NRXN3: variants seen among roughly 807,000 people sequenced by gnomAD.
The protein encoded by NRXN3 is neurexin III.
NRXN3 carries 32 observed loss-of-function variants against 137.6 expected under a neutral mutation model. The observed-to-expected ratio is 0.23, with a 90% CI of 0.18 to 0.31. The LOEUF is 0.31. NRXN3 is among the 10% of genes least tolerant of loss of function. NRXN3 has a pLI of 1.00. For synonymous variants in NRXN3, 798 were observed against 784.5 expected (o/e 1.02, Z -0.29); for missense variants, 1,574 against 2,062.5 (o/e 0.76, Z 4.59).
chr14:78,331,617 G>T (rs1271832275), intron 4 of NRXN3, among the ~76,000 whole-genome samples: 2 of 152,170 alleles, frequency 1.3e-5, no homozygotes, highest in African/African-American at 4.8e-5. Flanking sequence ...CCAGAAAATT[G>T]TGATTGAAGG....
intron 4 of NRXN3, among the ~76,000 whole-genome samples, chr14:78,300,959 T>A (rs7140340): frequency 2.6e-5 from 4 of 151,838 alleles, no homozygotes; most frequent in Non-Finnish European, 4.4e-5. Context: ...ACTCTTTCTA[T>A]CAGGAACGGG....
intron 16 of NRXN3, among the ~76,000 whole-genome samples, chr14:79,584,638 G>C (rs1000619453): frequency 1.6e-4 from 25 of 152,190 alleles, no homozygotes; most frequent in Non-Finnish European, 4.4e-5. Context: ...TCGGAGAATA[G>C]ATTATTTCTC....
chr14:78,314,881 CTTTCTTTCTTTCT>C lies in NRXN3; in HGVS notation c.757+17022_757+17034del, dbSNP rs1166834254. Among the ~76,000 whole-genome samples, 917 of 98,408 alleles carry C rather than the reference CTTTCTTTCTTTCT, an allele frequency of 9.3e-3. 7 individuals are homozygous for C. Among genetic ancestry groups the C allele is most frequent in the Non-Finnish European group, 9.9e-3 (481 of 48,792 alleles). 64.6% of individuals were successfully genotyped at this position (98,408 alleles called of 152,430 possible). A position where few individuals can be genotyped will look rare whatever the true frequency, so the allele number is the denominator to read the frequency against. ...ATTTTGTGTATTTTTCTTTTCCGTTCTTTCTTTCTTTCTCTTTCTTTCTTTCTTTCTTTCTTTC... is the reference window on the plus strand; with the variant it reads ...ATTTTGTGTATTTTTCTTTTCCGTTCCTTTCTTTCTTTCTTTCTTTCTTTC... On this transcript the variant is annotated intron_variant, in intron 4 of 20. Coordinates refer to ENST00000335750, the MANE Select transcript of NRXN3 (RefSeq NM_001330195.2).
At chr14:78,778,690 C>CTTTCTT (rs1429148316) in intron 8 of NRXN3, among the ~76,000 whole-genome samples, 1 of 133,590 alleles carries the variant, frequency 7.5e-6, no homozygotes. Context: ...TTCTTTCTTT[C>CTTTCTT]TTTCTTTCTT....
intron 10 of NRXN3, among the ~76,000 whole-genome samples, chr14:78,827,868 C>G (rs2098971433): frequency 6.6e-6 from 1 of 152,214 alleles, no homozygotes; most frequent in African/African-American, 2.4e-5. Context: ...ACAGCGTTTT[C>G]TTGTACTTAC....
chr14:78,340,861 C>T lies in NRXN3; in HGVS notation c.757+43001C>T, dbSNP rs1375076362. ...GGGTGGTGTGATTGGCAGCCACATT[C>T]GAAGGCAAACTGTTATAGGAAGTAA... On this transcript the variant is annotated intron_variant, in intron 4 of 20. Transcript: ENST00000335750. 5.3e-5 allele frequency among the ~76,000 whole-genome samples: 8 copies of T among 152,038 alleles called. 1 individual carries two copies. The highest frequency in any genetic ancestry group is 1.2e-4 in the African/African-American group (5 of 41,384).
intron 8 of NRXN3, among the ~76,000 whole-genome samples, chr14:78,772,801 A>G (rs1479562955): frequency 1.3e-5 from 2 of 152,210 alleles, no homozygotes; most frequent in African/African-American, 4.8e-5. Context: ...AGAGAGGGGC[A>G]GAATCACAGT....
intron 16 of NRXN3, among the ~76,000 whole-genome samples, chr14:79,548,396 C>T (rs571897311): frequency 6.6e-6 from 1 of 152,262 alleles, no homozygotes; most frequent in South Asian, 2.1e-4. Context: ...GCATAATATT[C>T]CATGGTGTAT....
chr14:78,799,824 C>A (rs2098833182), intron 8 of NRXN3, among the ~76,000 whole-genome samples: 1 of 152,028 alleles, frequency 6.6e-6, no homozygotes. Flanking sequence ...ATAAAACCAT[C>A]AGATCTTATG....
chr14:79,615,110 G>C lies in NRXN3; in HGVS notation c.3445-48668G>C, dbSNP rs146115110. The stretch of plus-strand genomic sequence containing the variant: ...AGTGCTTTACCTAAAGATAACAAGA[G>C]ATTAGCCCTTAGTGACAGATGACTA... On this transcript the variant is annotated intron_variant, in intron 16 of 20. Transcript: ENST00000335750. Among the ~76,000 whole-genome samples, 558 of 152,314 alleles carry C rather than the reference G, an allele frequency of 3.7e-3. 3 individuals are homozygous for C. The highest frequency in any genetic ancestry group is 4.2e-3 in the Non-Finnish European group (285 of 68,036).
chr14:78,458,046 T>G (rs946956685), intron 4 of NRXN3, among the ~76,000 whole-genome samples: 2 of 152,158 alleles, frequency 1.3e-5, no homozygotes, highest in Admixed American at 6.5e-5. Context: ...AGAGAAGACC[T>G]TAACTTTACT....
At chr14:79,835,028 G>A (rs538403549) in intron 20 of NRXN3, among the ~76,000 whole-genome samples, 1 of 152,202 alleles carries the variant, frequency 6.6e-6, no homozygotes, top group East Asian at 1.9e-4. Flanking sequence ...TCTCCAAAAA[G>A]AAGTCAGGTC....
chr14:79,853,139 A>T (rs2099395371), intron 20 of NRXN3, among the ~76,000 whole-genome samples: 2 of 152,094 alleles, frequency 1.3e-5, no homozygotes, highest in African/African-American at 4.8e-5. Flanking sequence ...TAGAGAAGTA[A>T]TTAGCAACCC....
intron 10 of NRXN3, among the ~76,000 whole-genome samples, chr14:78,850,006 G>A (rs575323508): frequency 6.6e-6 from 1 of 152,280 alleles, no homozygotes; most frequent in East Asian, 1.9e-4. Flanking sequence ...AAGGGATATA[G>A]AACTTGAGTT....
At chr14:78,179,091 A>G (rs2059543434) in intron 1 of NRXN3, among the ~76,000 whole-genome samples, 1 of 152,108 alleles carries the variant, frequency 6.6e-6, no homozygotes, top group Admixed American at 6.5e-5. Flanking sequence ...GCACAGCCTC[A>G]CTGGTGGAGG....
intron 1 of NRXN3, among the ~76,000 whole-genome samples, chr14:78,224,748 G>GTTTTTTT (rs1567008554): frequency 1.3e-5 from 1 of 78,748 alleles, no homozygotes; most frequent in Non-Finnish European, 2.5e-5. Flanking sequence ...GTGTGCATGT[G>GTTTTTTT]TCTTTTTTTT....
In NRXN3 at chr14:78,762,356, C is replaced by T. The variant is rs117652139; in HGVS notation, c.2045-41264C>T. ...TCATTTTCACACCTACTATGGGAGACGGAGTTAGGTAAGGGAACGGACGAG... is the reference window on the plus strand; with the variant it reads ...TCATTTTCACACCTACTATGGGAGATGGAGTTAGGTAAGGGAACGGACGAG... On this transcript the variant is annotated intron_variant, in intron 8 of 20. Coordinates refer to ENST00000335750, the MANE Select transcript of NRXN3 (RefSeq NM_001330195.2). Among the ~76,000 whole-genome samples, 375 of 152,248 alleles carry T rather than the reference C, an allele frequency of 2.5e-3. 1 individual carries two copies. The highest frequency in any genetic ancestry group is 3.9e-3 in the Non-Finnish European group (264 of 68,016).
At chr14:79,057,959 G>A (rs569029168) in intron 15 of NRXN3, among the ~76,000 whole-genome samples, 1 of 152,200 alleles carries the variant, frequency 6.6e-6, no homozygotes, top group African/African-American at 2.4e-5. Flanking sequence ...AGCAAGGTAC[G>A]GAATGAGGCA....
At chr14:78,942,044 A>T (rs1171160601) in intron 10 of NRXN3, among the ~76,000 whole-genome samples, 2 of 152,196 alleles carry the variant, frequency 1.3e-5, no homozygotes, top group African/African-American at 4.8e-5. Context: ...CCAATGTTGG[A>T]TTGGAGATGA....
Sources: allele counts gnomAD v4.1 joint callset (sites outside exome capture counted in the v4.1 genomes callset), GRCh38; gene constraint gnomAD v4.1.1; transcripts MANE v1.5; gene names NCBI Gene and HGNC (gene_info 2026-07-23, HGNC 2026-07-21).